Variants in TMEM132B observed in about 807,000 individuals in gnomAD.
The protein encoded by TMEM132B is transmembrane protein 132B.
A neutral mutation model predicts 90.8 loss-of-function variants in TMEM132B; 18 were observed. That is an observed-to-expected ratio of 0.20 (90% CI 0.14 to 0.29). The LOEUF (loss-of-function observed/expected upper bound fraction) is 0.29. Ranked by LOEUF, TMEM132B falls within the 10% of genes least tolerant of loss-of-function variation. TMEM132B has a pLI of 1.00. For synonymous variants in TMEM132B, 504 were observed against 523.3 expected, an observed-to-expected ratio of 0.96 and a Z score of 0.50; for missense variants, 1,096 against 1,326.8, an observed-to-expected ratio of 0.83 and a Z score of 2.70.
At chr12:125,245,684 G>A (rs145930759) in intron 1 of TMEM132B, among the ~76,000 whole-genome samples, 80 of 151,966 alleles carry the variant, frequency 5.3e-4, no homozygotes, top group African/African-American at 1.7e-3. Flanking sequence ...ACAGAATGTC[G>A]GGGGATGGGG....
chr12:125,271,649 A>T (rs1418397147), intron 1 of TMEM132B, among the ~76,000 whole-genome samples: 2 of 152,196 alleles, frequency 1.3e-5, no homozygotes, highest in Non-Finnish European at 2.9e-5. Context: ...TTGCAAACCT[A>T]CTATGTGCAC....
At chr12:125,440,462 A>C (rs1295008293) in intron 3 of TMEM132B, among the ~76,000 whole-genome samples, 1 of 152,240 alleles carries the variant, frequency 6.6e-6, no homozygotes, top group Non-Finnish European at 1.5e-5. Context: ...ATGTTTAATC[A>C]TTTTCAAAGA....
intron 5 of TMEM132B, among the ~76,000 whole-genome samples, chr12:125,605,716 A>AGCTTATAT (rs1445792330): frequency 6.6e-6 from 1 of 152,178 alleles, no homozygotes; most frequent in Non-Finnish European, 1.5e-5. Context: ...ATGCAAGACA[A>AGCTTATAT]GCTTATATGT....
At chr12:125,587,606 C>G (rs1885210938) in intron 5 of TMEM132B, 2 of 152,154 alleles carry the variant, frequency 1.3e-5, no homozygotes, top group Admixed American at 1.3e-4. Flanking sequence ...AAACCTGTGC[C>G]CTCCAGCTCA....
intron 1 of TMEM132B, among the ~76,000 whole-genome samples, chr12:125,299,311 G>T (rs1171440398): frequency 1.3e-5 from 2 of 152,006 alleles, no homozygotes; most frequent in African/African-American, 4.8e-5. Context: ...TCTTCCCTGG[G>T]CCCTGGGACT....
intron 1 of TMEM132B, among the ~76,000 whole-genome samples, chr12:125,233,913 A>G (rs1030926353): frequency 6.6e-6 from 1 of 152,116 alleles, no homozygotes; most frequent in Non-Finnish European, 1.5e-5. Context: ...CAGCCGTTTC[A>G]TGAGCGCTTG....
chr12:125,404,959 A>G (rs1879423765), intron 2 of TMEM132B, among the ~76,000 whole-genome samples: 1 of 152,206 alleles, frequency 6.6e-6, no homozygotes, highest in Admixed American at 6.5e-5. Flanking sequence ...TCACAGATAC[A>G]GCGTAACATA....
chr12:125,640,755 C>T (rs1481684071), intron 5 of TMEM132B, among the ~76,000 whole-genome samples: 7 of 152,130 alleles, frequency 4.6e-5, no homozygotes, highest in Non-Finnish European at 1.0e-4. Flanking sequence ...AAATGAGGCT[C>T]ATGGCACCCA....
chr12:125,214,942 C>T (rs566574701), intron 1 of TMEM132B, among the ~76,000 whole-genome samples: 2 of 152,262 alleles, frequency 1.3e-5, no homozygotes, highest in Non-Finnish European at 2.9e-5. Flanking sequence ...CCTGGGGCTT[C>T]GCCTCCCTCT....
intron 2 of TMEM132B, among the ~76,000 whole-genome samples, chr12:125,373,323 G>A (rs994830512): frequency 1.4e-4 from 21 of 152,138 alleles, no homozygotes; most frequent in African/African-American, 5.1e-4. Flanking sequence ...CTAACCTCCA[G>A]GACCTCAAAA....
At chr12:125,223,611 C>T (rs763941846) in intron 1 of TMEM132B, among the ~76,000 whole-genome samples, 33 of 152,162 alleles carry the variant, frequency 2.2e-4, no homozygotes, top group Non-Finnish European at 4.4e-4. Flanking sequence ...AATTCCAGAA[C>T]ATTTTCATCA....
Position 125,251,368 on chromosome 12 carries a change from A to C in TMEM132B, c.67+64502A>C, listed in dbSNP as rs1016186767. On this transcript the variant is annotated intron_variant, in intron 1 of 8. Coordinates refer to ENST00000682704, the MANE Select transcript of TMEM132B (RefSeq NM_001366854.1). The surrounding 1 kb of genome is among the most constrained non-coding windows in gnomAD (Gnocchi z 4.4). ...GGATGGAAATGTATTTTGCGTCTTG[A>C]GATTTTTCTTCAAGGATGGGGCTTA... Among the ~76,000 whole-genome samples, 2 of 152,190 alleles carry C rather than the reference A, an allele frequency of 1.3e-5. No individual in the cohort carries two copies. Among genetic ancestry groups the C allele is most frequent in the African/African-American group, 2.4e-5 (1 of 41,458 alleles).
At chr12:125,235,276 T>C (rs1873909284) in intron 1 of TMEM132B, among the ~76,000 whole-genome samples, 1 of 152,204 alleles carries the variant, frequency 6.6e-6, no homozygotes, top group South Asian at 2.1e-4. Flanking sequence ...GGGACTAGCC[T>C]GGGAGTGCCA....
At chr12:125,241,043 T>A (rs916552449) in intron 1 of TMEM132B, among the ~76,000 whole-genome samples, 34 of 152,118 alleles carry the variant, frequency 2.2e-4, no homozygotes. Flanking sequence ...CTTAACCCAT[T>A]TCGTGCCACG....
chr12:125,393,299 C>A (rs1339363702), intron 2 of TMEM132B, among the ~76,000 whole-genome samples: 5 of 152,172 alleles, frequency 3.3e-5, no homozygotes, highest in Non-Finnish European at 7.3e-5. Flanking sequence ...AAAAACCTAA[C>A]AAGATATGTC....
intron 4 of TMEM132B, among the ~76,000 whole-genome samples, chr12:125,552,092 A>T (rs1486357079): frequency 6.6e-6 from 1 of 152,194 alleles, no homozygotes; most frequent in Non-Finnish European, 1.5e-5. Context: ...ATATATGAAT[A>T]CTCAAGCTCA....
At chr12:125,410,636 AGTGAGTGGAGT>A (rs1399829511) in intron 2 of TMEM132B, among the ~76,000 whole-genome samples, 1 of 5,488 alleles carries the variant, frequency 1.8e-4, no homozygotes, top group Admixed American at 1.2e-3. Context: ...AGTGGAGTGG[AGTGAGTGGAGT>A]GGAGTGGAGT....
At position 125,390,553 on chromosome 12, in the gene TMEM132B, A is replaced by G. The variant is rs182648021; in HGVS notation, c.960-24978A>G. Among the ~76,000 whole-genome samples the G allele has an allele frequency of 2.5e-3, 385 of 152,360 alleles. 4 individuals carry two copies. The highest frequency in any genetic ancestry group is 3.4e-3 in the Non-Finnish European group (233 of 68,044). ...GGATTTGGTGAGTCACTTCTAACAT[A>G]TAAAATACAGCAGACATGAGGTTGT... On this transcript the variant is annotated intron_variant, in intron 2 of 8. Transcript: ENST00000682704.
chr12:125,566,835 C>CTTCTT (rs1463169929), intron 4 of TMEM132B, among the ~76,000 whole-genome samples: 3 of 78,744 alleles, frequency 3.8e-5, no homozygotes, highest in African/African-American at 1.2e-4. Flanking sequence ...TCTTCTTCTT[C>CTTCTT]TTTTTTTTTT....
Sources: allele counts gnomAD v4.1 joint callset (sites outside exome capture counted in the v4.1 genomes callset), GRCh38; gene constraint gnomAD v4.1.1; non-coding constraint Gnocchi (gnomAD v3.1); transcripts MANE v1.5; gene names NCBI Gene and HGNC (gene_info 2026-07-23, HGNC 2026-07-21).